The following TMEM243 variants were observed in gnomAD, a reference collection of about 807,000 sequenced individuals.
TMEM243 encodes the protein MDR1 and mitochondrial taxol resistance associated.
TMEM243 carries 20 observed loss-of-function variants against 15.0 expected under a neutral mutation model. That is an observed-to-expected ratio of 1.33 (90% confidence interval 0.94 to 1.93). The LOEUF (loss-of-function observed/expected upper bound fraction) is 1.93. Ranked by LOEUF, TMEM243 falls within the 30% of genes most tolerant of loss-of-function variation. TMEM243 has a pLI of 0.00. For missense variants in TMEM243, 156 were observed against 142.1 expected, an observed-to-expected ratio of 1.10 and a Z score of -0.50; for synonymous variants, 72 against 52.7, an observed-to-expected ratio of 1.37 and a Z score of -1.59.
At position 87,199,011 on chromosome 7, in the gene TMEM243, A is replaced by G; in HGVS notation, c.125T>C (p.Ile42Thr). 6.2e-7 allele frequency: 1 copy of G among 1,600,508 alleles called. No individual in the cohort carries two copies. The highest frequency in any genetic ancestry group is 8.5e-7 in the Non-Finnish European group (1 of 1,175,828). The change falls in exon 2 of 4, where the codon ATT becomes ACT. Residue 42 changes from isoleucine to threonine, a missense_variant. Coordinates refer to ENST00000257637, the MANE Select transcript of TMEM243 (RefSeq NM_024315.4). The part of the protein sequence containing the change: ...LVVGSLTSLL[I>T]LVTLISAFVF... Reference sequence around the variant, plus strand: ...GCACAAAATGAGGATACTTACTAGAATCAATAAGGATGTTAAGCTGCCAAC... The same window carrying G: ...GCACAAAATGAGGATACTTACTAGAGTCAATAAGGATGTTAAGCTGCCAAC...
chr7:87,220,150 G>A (rs1280216441), upstream of TMEM243: 2 of 152,494 alleles, frequency 1.3e-5, no homozygotes, highest in African/African-American at 4.8e-5. Context: ...CCCGCAGGGC[G>A]GCGGGTTCAG....
At chr7:87,213,352 A>T (rs1298452811) in intron 1 of TMEM243, among the ~76,000 whole-genome samples, 2 of 152,260 alleles carry the variant, frequency 1.3e-5, no homozygotes, top group Admixed American at 6.5e-5. Context: ...CACACAAAAA[A>T]AGGCAAAGTT....
In TMEM243 at chr7:87,219,258, G is replaced by A. The variant is rs551880863; in HGVS notation, c.78+168C>T. On this transcript the variant is annotated intron_variant, in intron 1 of 3. Coordinates refer to ENST00000257637, the MANE Select transcript of TMEM243 (RefSeq NM_024315.4). Reference sequence around the variant, plus strand: ...TCTTAGCCAACCATGTCCCAAAGCAGGCGACGATTGGCCGGGCAAACATCT... The same window carrying A: ...TCTTAGCCAACCATGTCCCAAAGCAAGCGACGATTGGCCGGGCAAACATCT... Among the ~76,000 whole-genome samples, 50 of 152,320 alleles carry A rather than the reference G, an allele frequency of 3.3e-4. No homozygotes were observed. In the South Asian group the frequency reaches 0.01, roughly 31 times the overall value.
chr7:87,204,461 G>C (rs966355085), intron 1 of TMEM243, among the ~76,000 whole-genome samples: 1 of 152,222 alleles, frequency 6.6e-6, no homozygotes, highest in Non-Finnish European at 1.5e-5. Context: ...CTATGAGTCT[G>C]TAAAATCAAA....
chr7:87,198,951 T>A (rs992082574), intron 2 of TMEM243, 56 bp downstream of exon 2: 7 of 1,455,982 alleles, frequency 4.8e-6, no homozygotes, highest in Non-Finnish European at 6.5e-6. Context: ...CCATAATTGA[T>A]AAAGTTTTCA....
At chr7:87,204,035 A>G (rs528406058) in intron 1 of TMEM243, among the ~76,000 whole-genome samples, 1 of 152,338 alleles carries the variant, frequency 6.6e-6, no homozygotes, top group African/African-American at 2.4e-5. Context: ...TCACAGTTCC[A>G]CATAGCTGAG....
intron 1 of TMEM243, chr7:87,218,582 C>CA (rs1803271529): frequency 6.6e-6 from 1 of 151,654 alleles, no homozygotes; most frequent in African/African-American, 2.4e-5. Context: ...CAAAGACCAC[C>CA]AATGCCACTT....
At chr7:87,207,723 T>C (rs989437329) in intron 1 of TMEM243, among the ~76,000 whole-genome samples, 4 of 152,168 alleles carry the variant, frequency 2.6e-5, no homozygotes, top group Non-Finnish European at 4.4e-5. Context: ...TGGTGTTACT[T>C]CTAAACTTTC....
At chr7:87,202,503 G>A (rs969768208) in intron 1 of TMEM243, among the ~76,000 whole-genome samples, 1 of 152,176 alleles carries the variant, frequency 6.6e-6, no homozygotes, top group Non-Finnish European at 1.5e-5. Flanking sequence ...GAATGAGGAA[G>A]GAGAAAAAGA....
In TMEM243 at chr7:87,197,688, A is replaced by ATTT. The variant is rs71906317; in HGVS notation, c.234+250_234+252dup. Reference sequence around the variant, plus strand: ...TTTGGCCACCTACGTCTTTCCACTAATTTTTTTTTTTTTTTTTTTTTTTTT... The same window carrying ATTT: ...TTTGGCCACCTACGTCTTTCCACTAATTTTTTTTTTTTTTTTTTTTTTTTTTTT... On this transcript the variant is annotated intron_variant, in intron 3 of 3. Coordinates refer to ENST00000257637, the MANE Select transcript of TMEM243 (RefSeq NM_024315.4). 140 of 982,082 alleles carry ATTT rather than the reference A, an allele frequency of 1.4e-4. 5 individuals are homozygous for ATTT. The highest frequency in any genetic ancestry group is 1.0e-3 in the African/African-American group (44 of 43,092). The allele number at this position is 982,082 out of a possible 1,614,324, so 60.8% of individuals were successfully genotyped here.
intron 1 of TMEM243, 90 bp from the exon 2 acceptor site, chr7:87,199,147 T>C (rs1801603577): frequency 2.9e-6 from 3 of 1,044,792 alleles, no homozygotes; most frequent in Non-Finnish European, 4.2e-6. Context: ...TGGTTTACTA[T>C]AAAGAAACCC....
At chr7:87,209,669 AG>A (rs763732895) in intron 1 of TMEM243, among the ~76,000 whole-genome samples, 8,237 of 98,350 alleles carry the variant, frequency 0.084, 776 homozygotes, top group Middle Eastern at 0.12. Flanking sequence ...AGCGAGAGAG[AG>A]CGAGAGCGAG....
intron 1 of TMEM243, among the ~76,000 whole-genome samples, chr7:87,200,652 A>G (rs1401501759): frequency 6.6e-6 from 1 of 152,232 alleles, no homozygotes; most frequent in Non-Finnish European, 1.5e-5. Flanking sequence ...AACTATGCCA[A>G]GCACATTCAC....
chr7:87,218,642 G>A (rs938702086), intron 1 of TMEM243: 1 of 151,774 alleles, frequency 6.6e-6, no homozygotes, highest in Non-Finnish European at 1.5e-5. Flanking sequence ...AGGGAGATTG[G>A]AGAAGGAGCA....
Position 87,219,451 on chromosome 7 carries a change from G to C in TMEM243, c.53C>G (p.Pro18Arg), listed in dbSNP as rs761345524. The C allele has an allele frequency of 6.2e-7, 1 of 1,614,210 alleles. No individual in the cohort carries two copies. The highest frequency in any genetic ancestry group is 1.3e-5 in the African/African-American group (1 of 75,054). ...CTTGGCGGACGTCTCCCCAAACAGA[G>C]GTCTGTTGTCCAGGCCACTGGTGCC... is the stretch of plus-strand genomic sequence containing the variant. Reference protein sequence around the residue: ...TYGTSGLDNRPLFGETSAKDR... With the variant: ...TYGTSGLDNRRLFGETSAKDR... Residue 18 changes from proline to arginine, a missense_variant, in exon 1 of 4, where the codon CCT becomes CGT. Coordinates refer to ENST00000257637, the MANE Select transcript of TMEM243 (RefSeq NM_024315.4).
rs1357522055 is a variant in TMEM243 at position 87,198,999 on chromosome 7, A to T, written c.129+8T>A. 1.3e-5 allele frequency: 21 copies of T among 1,595,672 alleles called. No homozygotes were observed. Among genetic ancestry groups the T allele is most frequent in the African/African-American group, 2.7e-5 (2 of 73,250 alleles). ...AGCCTGGGTGAGGCACAAAATGAGG[A>T]TACTTACTAGAATCAATAAGGATGT... is the stretch of plus-strand genomic sequence containing the variant. On this transcript the variant is annotated splice_region_variant and intron_variant, in intron 2 of 3. Transcript: ENST00000257637.
chr7:87,211,368 T>C (rs1802733698), intron 1 of TMEM243, among the ~76,000 whole-genome samples: 1 of 152,306 alleles, frequency 6.6e-6, no homozygotes. Flanking sequence ...AGGCAACACA[T>C]TGAGCAGGTA....
Position 87,219,515 on chromosome 7 carries a change from T to C in TMEM243, c.-12A>G, listed in dbSNP as rs746929842. 2 of 1,613,990 alleles carry C rather than the reference T, an allele frequency of 1.2e-6. No homozygotes were observed. The highest frequency in any genetic ancestry group is 2.2e-5 in the East Asian group (1 of 44,878). ...GCAAAGTCCTCCATTTTGGGGTTTCTTCACTTTCCCCAAGCCACTTAAAAG... is the reference window on the plus strand; with the variant it reads ...GCAAAGTCCTCCATTTTGGGGTTTCCTCACTTTCCCCAAGCCACTTAAAAG... On this transcript the variant is annotated 5_prime_UTR_variant, in exon 1 of 4. Coordinates refer to ENST00000257637, the MANE Select transcript of TMEM243 (RefSeq NM_024315.4).
intron 2 of TMEM243, chr7:87,198,661 T>G (rs997372556): frequency 2.5e-5 from 8 of 315,514 alleles, no homozygotes; most frequent in African/African-American, 1.8e-4. Context: ...CTTTTAAAAC[T>G]TGACCAAAGG....
Sources: gnomAD v4.1 joint callset for allele counts (sites outside exome capture counted in the v4.1 genomes callset) on GRCh38, gnomAD v4.1.1 for gene constraint, MANE v1.5 for transcripts, NCBI Gene and HGNC (gene_info 2026-07-23, HGNC 2026-07-21) for gene names.